Variants in CHD1L observed in about 807,000 individuals in gnomAD.
CHD1L encodes ATP-dependent chromatin remodeler CHD1L.
Under a neutral mutation model 115.9 loss-of-function variants are expected in CHD1L, and 118 were observed. The observed-to-expected ratio is 1.02, with a 90% CI of 0.88 to 1.19. The LOEUF (loss-of-function observed/expected upper bound fraction) is 1.19, where lower values mean the gene tolerates loss of function less well. CHD1L is among the 50% of genes most tolerant of loss of function. The probability of loss-of-function intolerance (pLI) is 0.00; values close to 1 mark genes in which losing one functional copy is unlikely to be tolerated. For synonymous variants in CHD1L, 411 were observed against 387.1 expected, an observed-to-expected ratio of 1.06 and a Z score of -0.72; for missense variants, 1,179 against 1,065.3, an observed-to-expected ratio of 1.11 and a Z score of -1.49.
intron 2 of CHD1L, among the ~76,000 whole-genome samples, chr1:147,252,967 C>T (rs1392836141): frequency 6.6e-6 from 1 of 152,196 alleles, no homozygotes; most frequent in African/African-American, 2.4e-5. Context: ...GCTACTTGTC[C>T]TTTCTTTGGA....
upstream of CHD1L, among the ~76,000 whole-genome samples, chr1:147,239,386 A>G (rs1384360831): frequency 6.6e-6 from 1 of 152,038 alleles, no homozygotes; most frequent in Non-Finnish European, 1.5e-5. Flanking sequence ...CAAATCCAAC[A>G]CATCCCACCA....
At chr1:147,220,888 C>A in the CHD1L span, among the ~76,000 whole-genome samples, 1 of 141,680 alleles carries the variant, frequency 7.1e-6, no homozygotes. Flanking sequence ...TATATTGTGG[C>A]ATATATTGAA....
the CHD1L span, among the ~76,000 whole-genome samples, chr1:147,229,972 T>A: frequency 1.6e-4 from 24 of 147,446 alleles, no homozygotes; most frequent in African/African-American, 6.2e-4. Context: ...CAATTTGACT[T>A]CCTCTTTTCC....
chr1:147,251,006 C>CA (rs1668238573), intron 1 of CHD1L, among the ~76,000 whole-genome samples: 3 of 152,200 alleles, frequency 2.0e-5, no homozygotes, highest in Non-Finnish European at 2.9e-5. Context: ...GCTCTCTTGC[C>CA]TGCTGCCATG....
At chr1:147,242,399 A>C (rs1664999511), upstream of CHD1L, among the ~76,000 whole-genome samples, 1 of 152,212 alleles carries the variant, frequency 6.6e-6, no homozygotes, top group East Asian at 1.9e-4. Context: ...ATGAATGATG[A>C]ACACATGCCA....
At chr1:147,189,496 G>C in the CHD1L span, among the ~76,000 whole-genome samples, 1 of 152,126 alleles carries the variant, frequency 6.6e-6, no homozygotes, top group East Asian at 1.9e-4. Context: ...ATCAGTTGAA[G>C]ATAACCACCT....
rs1684178967 is a variant in CHD1L, at chr1:147,288,342, A to AAG, written c.2320+610_2320+611insGA. On this transcript the variant is annotated intron_variant, in intron 19 of 22. Coordinates refer to ENST00000369258, the MANE Select transcript of CHD1L (RefSeq NM_004284.6). ...TGTTTCAATAAAAAAAAAAAAAAAA[A>AAG]AAAAGAAAAAGAGAACTATTGGAAT... is the stretch of plus-strand genomic sequence containing the variant. Among the ~76,000 whole-genome samples, 3 of 2,618 alleles carry AAG rather than the reference A, an allele frequency of 1.1e-3. 1 individual carries two copies. The highest frequency in any genetic ancestry group is 8.9e-3 in the Admixed American group (1 of 112). The allele number at this position is 2,618 out of a possible 152,430, so 1.7% of individuals were successfully genotyped here.
chr1:147,294,561 G>A, intron 22 of CHD1L, 44 bp downstream of exon 22: 3 of 1,463,820 alleles, frequency 2.0e-6, no homozygotes, highest in Non-Finnish European at 2.8e-6. Flanking sequence ...CAACCCAAGA[G>A]GGAAAATGTG....
the CHD1L span, among the ~76,000 whole-genome samples, chr1:147,196,177 A>G: frequency 1.3e-5 from 2 of 152,198 alleles, no homozygotes; most frequent in East Asian, 3.9e-4. Context: ...TACTCTAATA[A>G]CTATCCTGGT....
intron 6 of CHD1L, 149 bp from the exon 7 acceptor site, chr1:147,264,273 C>G (rs1673053877): frequency 1.6e-6 from 1 of 644,660 alleles, no homozygotes; most frequent in Non-Finnish European, 2.6e-6. Flanking sequence ...AGCTAGTTTG[C>G]AGCTTCAACC....
Position 147,287,735 on chromosome 1 carries a change from TAAGAAGCAAA to T in CHD1L, c.2320+3_2320+12del. The T allele has an allele frequency of 6.2e-7, 1 of 1,613,020 alleles. No individual in the cohort carries two copies. Among genetic ancestry groups the T allele is most frequent in the South Asian group, 1.1e-5 (1 of 91,010 alleles). On this transcript the variant is annotated splice_donor_5th_base_variant and intron_variant, in intron 19 of 22. Coordinates refer to ENST00000369258, the MANE Select transcript of CHD1L (RefSeq NM_004284.6). ...ATGAGCTGGCTGGGAAAATGAAAGG[TAAGAAGCAAA>T]GCAGAGGGAAAGGTTAAGGGTGGAA...
At chr1:147,196,826 A>G in the CHD1L span, among the ~76,000 whole-genome samples, 19 of 151,976 alleles carry the variant, frequency 1.3e-4, no homozygotes, top group Non-Finnish European at 2.6e-4. Context: ...CTTCTCCAAC[A>G]TGCTTTCTGT....
intron 1 of CHD1L, among the ~76,000 whole-genome samples, chr1:147,248,038 T>C (rs1553934624): frequency 2.0e-5 from 3 of 152,230 alleles, no homozygotes; most frequent in African/African-American, 7.2e-5. Flanking sequence ...TTTTGCCATA[T>C]AAGGTCACAT....
chr1:147,281,067 C>A (rs781915574), intron 15 of CHD1L, among the ~76,000 whole-genome samples: 1 of 152,274 alleles, frequency 6.6e-6, no homozygotes, highest in Admixed American at 6.5e-5. Flanking sequence ...TTCCATCGCT[C>A]GCTTTCTCTC....
At chr1:147,278,609 T>C (rs1294944384) in intron 14 of CHD1L, among the ~76,000 whole-genome samples, 2 of 151,934 alleles carry the variant, frequency 1.3e-5, no homozygotes, top group African/African-American at 4.8e-5. Flanking sequence ...TATGGAGTTC[T>C]GAAGTCCTGA....
chr1:147,215,897 T>A, the CHD1L span: 2 of 1,613,316 alleles, frequency 1.2e-6, no homozygotes, highest in Non-Finnish European at 1.7e-6. Context: ...GAAGTATTGA[T>A]GATCACTGAT....
At chr1:147,280,810 TC>T (rs1419142073) in intron 15 of CHD1L, among the ~76,000 whole-genome samples, 1 of 152,202 alleles carries the variant, frequency 6.6e-6, no homozygotes, top group Non-Finnish European at 1.5e-5. Context: ...GTAAAGGTAT[TC>T]CCTGGCATCT....
the CHD1L span, among the ~76,000 whole-genome samples, chr1:147,174,179 A>G: frequency 6.6e-6 from 1 of 152,214 alleles, no homozygotes; most frequent in South Asian, 2.1e-4. Context: ...GGAAGAAAAA[A>G]AAAAGGTACG....
chr1:147,220,671 C>T, the CHD1L span, among the ~76,000 whole-genome samples: 1 of 152,102 alleles, frequency 6.6e-6, no homozygotes, highest in East Asian at 1.9e-4. Context: ...TTAGATTTTA[C>T]ATTTAACTTT....
Sources: allele counts gnomAD v4.1 joint callset (sites outside exome capture counted in the v4.1 genomes callset), GRCh38; gene constraint gnomAD v4.1.1; transcripts MANE v1.5; gene names NCBI Gene and HGNC (gene_info 2026-07-23, HGNC 2026-07-21).